Variants in SNX30 observed in about 807,000 individuals in gnomAD.
The protein encoded by SNX30 is sorting nexin family member 30, also known as sorting nexin-30.
Under a neutral mutation model 46.4 loss-of-function variants are expected in SNX30, and 24 were observed. That is an observed-to-expected ratio of 0.52 (90% CI 0.37 to 0.73). SNX30 has a LOEUF of 0.73. Among genes scored for constraint, SNX30 ranks in the 30% least tolerant of loss-of-function variants. The probability of loss-of-function intolerance (pLI) is 0.00; values close to 1 mark genes in which losing one functional copy is unlikely to be tolerated. For synonymous variants in SNX30, 189 were observed against 211.5 expected (o/e 0.89, Z 0.92); for missense variants, 533 against 555.7 (o/e 0.96, Z 0.41).
chr9:112,774,811 CTA>C (rs368881211), intron 1 of SNX30, among the ~76,000 whole-genome samples: 4 of 142,286 alleles, frequency 2.8e-5, no homozygotes, highest in South Asian at 4.5e-4. Context: ...TTACTCAGTT[CTA>C]TATATATATA....
At chr9:112,865,661 A>ATATATGTGTGTGTGTGTGTGTGTGTG in intron 8 of SNX30, among the ~76,000 whole-genome samples, 5 of 105,702 alleles carry the variant, frequency 4.7e-5, no homozygotes, top group Non-Finnish European at 7.6e-5. Context: ...ATATATATAT[A>ATATATGTGTGTGTGTGTGTGTGTGTG]TGTATGTATG....
downstream of SNX30, among the ~76,000 whole-genome samples, chr9:112,884,254 T>C (rs113870108): frequency 0.012 from 1,902 of 152,350 alleles, 34 homozygotes; most frequent in African/African-American, 0.043. Flanking sequence ...AAGGGGATGC[T>C]GACTGTGATC....
intron 1 of SNX30, among the ~76,000 whole-genome samples, chr9:112,785,400 T>G (rs1198225420): frequency 5.3e-5 from 6 of 113,558 alleles, no homozygotes; most frequent in Non-Finnish European, 9.6e-5. Flanking sequence ...TTTTTTTTTT[T>G]GGAGATAGAA....
chr9:112,809,252 G>A lies in SNX30; in HGVS notation c.348+4285G>A, dbSNP rs181628540. ...CAGCACTGTGCCTGGCTAATTTTTTGTATTTTTAGTAGAGATGGGGTTTCA... is the reference window on the plus strand; with the variant it reads ...CAGCACTGTGCCTGGCTAATTTTTTATATTTTTAGTAGAGATGGGGTTTCA... On this transcript the variant is annotated intron_variant, in intron 2 of 8. Coordinates refer to ENST00000374232, the MANE Select transcript of SNX30 (RefSeq NM_001012994.2). Among the ~76,000 whole-genome samples the A allele has an allele frequency of 1.7e-3, 258 of 152,152 alleles. 1 individual carries two copies. Among genetic ancestry groups the A allele is most frequent in the Non-Finnish European group, 3.0e-3 (203 of 67,990 alleles).
At chr9:112,820,710 G>GC (rs1458831377) in intron 3 of SNX30, among the ~76,000 whole-genome samples, 1 of 152,026 alleles carries the variant, frequency 6.6e-6, no homozygotes, top group African/African-American at 2.4e-5. Flanking sequence ...ATATCTCCCA[G>GC]CCCCTGGCAA....
intron 2 of SNX30, among the ~76,000 whole-genome samples, chr9:112,810,002 G>A (rs1202243902): frequency 1.3e-5 from 2 of 152,182 alleles, no homozygotes; most frequent in African/African-American, 4.8e-5. Context: ...GAAGGCGGAG[G>A]AAGCTAGAAT....
downstream of SNX30, chr9:112,875,802 C>CT (rs969381298): frequency 1.9e-4 from 28 of 149,990 alleles, no homozygotes; most frequent in East Asian, 3.9e-4. Context: ...ACAGGATATT[C>CT]TTTTTTTTTT....
At chr9:112,778,821 G>A (rs1349238416) in intron 1 of SNX30, among the ~76,000 whole-genome samples, 1 of 150,262 alleles carries the variant, frequency 6.7e-6, no homozygotes. Flanking sequence ...GCAGGTGGAT[G>A]AACAGGCAAT....
chr9:112,842,218 C>T (rs970378870), intron 6 of SNX30, among the ~76,000 whole-genome samples: 19 of 152,222 alleles, frequency 1.2e-4, no homozygotes, highest in Non-Finnish European at 2.4e-4. Context: ...GCTGGGATTA[C>T]AGGCGTGAGC....
intron 6 of SNX30, among the ~76,000 whole-genome samples, chr9:112,844,905 TGCTTTAGGTTGGCCATTTCCGGTGCC>T (rs1426495407): frequency 6.6e-6 from 1 of 152,204 alleles, no homozygotes; most frequent in African/African-American, 2.4e-5. Context: ...GAACAGTTGG[TGCTTTAGGTTGGCCATTTCCGGTGCC>T]TTTCCAAAAC....
intron 7 of SNX30, among the ~76,000 whole-genome samples, chr9:112,860,900 C>T (rs1444143369): frequency 1.5e-4 from 23 of 152,162 alleles, no homozygotes; most frequent in Admixed American, 1.5e-3. Flanking sequence ...TGAGCACTTA[C>T]TATATGCCAG....
intron 1 of SNX30, among the ~76,000 whole-genome samples, chr9:112,791,008 C>G (rs1425811339): frequency 6.6e-6 from 1 of 152,010 alleles, no homozygotes; most frequent in African/African-American, 2.4e-5. Context: ...TTTAAAAGGT[C>G]TTCATTTTTA....
Position 112,872,272 on chromosome 9 carries a change from C to A in SNX30, c.*3429C>A, listed in dbSNP as rs190342533. 2 of 152,180 alleles carry A rather than the reference C, an allele frequency of 1.3e-5. No individual in the cohort carries two copies. The highest frequency in any genetic ancestry group is 2.9e-5 in the Non-Finnish European group (2 of 68,042). The allele number at this position is 152,180 out of a possible 1,614,324, so 9.4% of individuals were successfully genotyped here. A position where few individuals can be genotyped will look rare whatever the true frequency, so the allele number is the denominator to read the frequency against. On this transcript the variant is annotated 3_prime_UTR_variant, in exon 9 of 9. Transcript: ENST00000374232. ...GGAAGTTCTGCTTTAGAGGAGGGCA[C>A]GATGACCATGTGGCAGTCTGCAAGT... is the stretch of plus-strand genomic sequence containing the variant.
intron 7 of SNX30, among the ~76,000 whole-genome samples, chr9:112,856,383 C>T (rs1178160612): frequency 5.2e-5 from 5 of 95,374 alleles, no homozygotes; most frequent in South Asian, 3.6e-4. Flanking sequence ...GTAGGGAGGG[C>T]GTGTGGCGTG....
rs529633905 is a variant in SNX30 at position 112,873,526 on chromosome 9, G to C, written c.*4683G>C. On this transcript the variant is annotated 3_prime_UTR_variant, in exon 9 of 9. Transcript: ENST00000374232. ...GTCCTCAGGCCCCCTAAAGAAACAA[G>C]CAAGAAAGTGAGGGCCATCACTAGG... 1.3e-5 allele frequency: 2 copies of C among 152,234 alleles called. No homozygotes were observed. Among genetic ancestry groups the C allele is most frequent in the African/African-American group, 4.8e-5 (2 of 41,542 alleles). 9.4% of individuals were successfully genotyped at this position (152,234 alleles called of 1,614,324 possible).
intron 1 of SNX30, among the ~76,000 whole-genome samples, chr9:112,756,608 C>T (rs1839353755): frequency 6.6e-6 from 1 of 151,856 alleles, no homozygotes; most frequent in Non-Finnish European, 1.5e-5. Flanking sequence ...CTACAGGTGC[C>T]CACCACCACG....
intron 5 of SNX30, among the ~76,000 whole-genome samples, chr9:112,836,968 G>A (rs74534417): frequency 0.035 from 5,320 of 152,112 alleles, 122 homozygotes; most frequent in Non-Finnish European, 0.046. Context: ...CACCCCTCTC[G>A]GGGCCACCTG....
chr9:112,883,442 A>C (rs1303432894), downstream of SNX30, among the ~76,000 whole-genome samples: 1 of 152,048 alleles, frequency 6.6e-6, no homozygotes, highest in Non-Finnish European at 1.5e-5. Context: ...AAGTTATTTA[A>C]TACCTTGGAG....
At chr9:112,810,461 A>G (rs904189379) in intron 2 of SNX30, among the ~76,000 whole-genome samples, 10 of 152,098 alleles carry the variant, frequency 6.6e-5, no homozygotes, top group African/African-American at 9.7e-5. Flanking sequence ...GGGCCATGGA[A>G]TGGATGCTGA....
Sources: allele counts gnomAD v4.1 joint callset (sites outside exome capture counted in the v4.1 genomes callset), GRCh38; gene constraint gnomAD v4.1.1; transcripts MANE v1.5; gene names NCBI Gene and HGNC (gene_info 2026-07-23, HGNC 2026-07-21).